ESRP1: variants seen among roughly 807,000 people sequenced by gnomAD.
The protein encoded by ESRP1 is RNA-binding motif protein 35A.
A neutral mutation model predicts 81.7 loss-of-function variants in ESRP1; 33 were observed. The observed-to-expected ratio is 0.40, with a 90% CI of 0.31 to 0.54. The LOEUF is 0.54. Ranked by LOEUF, ESRP1 falls within the 20% of genes least tolerant of loss-of-function variation. ESRP1 has a pLI of 0.41. For missense variants in ESRP1, 672 were observed against 833.1 expected, an observed-to-expected ratio of 0.81 and a Z score of 2.38; for synonymous variants, 320 against 303.3, an observed-to-expected ratio of 1.06 and a Z score of -0.57.
At chr8:94,646,114 G>A in intron 3 of ESRP1, 54 bp from the exon 4 acceptor site, 2 of 997,232 alleles carry the variant, frequency 2.0e-6, no homozygotes, top group South Asian at 1.6e-5. Context: ...AATTGTGAGA[G>A]AAACATTGAA....
At chr8:94,642,969 G>A (rs1817686754) in intron 2 of ESRP1, among the ~76,000 whole-genome samples, 1 of 152,184 alleles carries the variant, frequency 6.6e-6, no homozygotes, top group Non-Finnish European at 1.5e-5. Context: ...CATATAAAAA[G>A]TAACACTAGG....
intron 13 of ESRP1, among the ~76,000 whole-genome samples, chr8:94,678,649 G>A (rs189558417): frequency 1.1e-4 from 16 of 152,304 alleles, no homozygotes; most frequent in Middle Eastern, 3.4e-3. Context: ...GAGTAGTGAT[G>A]TGATCACTGC....
At chr8:94,674,642 C>T (rs1341770148) in intron 12 of ESRP1, 136 bp downstream of exon 12, 2 of 696,940 alleles carry the variant, frequency 2.9e-6, no homozygotes, top group Non-Finnish European at 4.7e-6. Context: ...CATCTGTAAT[C>T]AGTAGTACCT....
intron 4 of ESRP1, among the ~76,000 whole-genome samples, chr8:94,657,631 G>A (rs573131445): frequency 1.3e-4 from 20 of 152,116 alleles, no homozygotes; most frequent in Non-Finnish European, 2.9e-4. Flanking sequence ...ATGTTGGGAC[G>A]TGTTATGTGG....
At chr8:94,647,860 G>T (rs563590401) in intron 4 of ESRP1, among the ~76,000 whole-genome samples, 2 of 152,288 alleles carry the variant, frequency 1.3e-5, no homozygotes, top group East Asian at 3.9e-4. Context: ...GACAACTTCT[G>T]GCTGGACATG....
At chr8:94,641,792 G>A in intron 1 of ESRP1, 164 bp from the exon 2 acceptor site, 2 of 1,058,232 alleles carry the variant, frequency 1.9e-6, no homozygotes, top group South Asian at 1.9e-5. Flanking sequence ...GGGGTGGGGC[G>A]GGGGGCAGGA....
chr8:94,702,019 G>A (rs1586270727), intron 15 of ESRP1, among the ~76,000 whole-genome samples: 1 of 152,132 alleles, frequency 6.6e-6, no homozygotes, highest in African/African-American at 2.4e-5. Context: ...TCGAGGTTGC[G>A]GTGAGCTGTC....
At chr8:94,693,777 C>T (rs573321279) in intron 14 of ESRP1, among the ~76,000 whole-genome samples, 9 of 152,248 alleles carry the variant, frequency 5.9e-5, no homozygotes, top group African/African-American at 2.2e-4. Flanking sequence ...AATGGGTTTA[C>T]GAGCTTGGCA....
At chr8:94,653,775 C>T (rs1818267952) in intron 4 of ESRP1, among the ~76,000 whole-genome samples, 1 of 151,160 alleles carries the variant, frequency 6.6e-6, no homozygotes, top group South Asian at 2.1e-4. Flanking sequence ...ACCGAATCCT[C>T]ATTGGTACTT....
At chr8:94,686,101 G>A (rs1207556858) in intron 13 of ESRP1, among the ~76,000 whole-genome samples, 1 of 152,034 alleles carries the variant, frequency 6.6e-6, no homozygotes, top group African/African-American at 2.4e-5. Context: ...GCTAATTTTT[G>A]TATTTTTAGT....
chr8:94,683,919 C>T (rs1809029214), intron 13 of ESRP1, among the ~76,000 whole-genome samples: 2 of 152,196 alleles, frequency 1.3e-5, no homozygotes. Context: ...GCGATCTCAG[C>T]TCACCACAAC....
At chr8:94,682,028 T>C (rs1808910749) in intron 13 of ESRP1, among the ~76,000 whole-genome samples, 1 of 152,258 alleles carries the variant, frequency 6.6e-6, no homozygotes, top group Non-Finnish European at 1.5e-5. Context: ...TTTCTCTTTT[T>C]GGGCTTTTCA....
chr8:94,668,159 A>C lies in ESRP1; in HGVS notation c.1142A>C (p.Glu381Ala). 6.2e-7 allele frequency: 1 copy of C among 1,613,992 alleles called. No homozygotes were observed. The highest frequency in any genetic ancestry group is 8.5e-7 in the Non-Finnish European group (1 of 1,179,878). Reference protein sequence around the residue: ...GDAFVLFACEEYAQNALRKHK... With the variant: ...GDAFVLFACEAYAQNALRKHK... ...GCTTTTGTCCTCTTTGCCTGTGAGG[A>C]ATATGCACAGAATGCGTTGAGGAAG... The change falls in exon 10 of 16, where the codon GAA (glutamate) becomes GCA (alanine). Residue 381 changes from glutamate to alanine, a missense_variant. Transcript: ENST00000433389.
At chr8:94,705,156 C>CTTTTTTTTTTTTTTTTTTTT (rs57801249) in intron 15 of ESRP1, among the ~76,000 whole-genome samples, 3 of 90,560 alleles carry the variant, frequency 3.3e-5, no homozygotes, top group African/African-American at 1.3e-4. Context: ...TGCCTTATTG[C>CTTTTTTTTTTTTTTTTTTTT]TTTTTTTTTT....
intron 4 of ESRP1, among the ~76,000 whole-genome samples, chr8:94,657,950 AC>A (rs1353035549): frequency 6.6e-6 from 1 of 151,994 alleles, no homozygotes; most frequent in African/African-American, 2.4e-5. Context: ...TTGCTCTGTT[AC>A]CCGGGCTGGA....
intron 13 of ESRP1, among the ~76,000 whole-genome samples, chr8:94,682,904 T>TTATATA (rs1170938965): frequency 0.031 from 939 of 29,826 alleles, 50 homozygotes; most frequent in East Asian, 0.039. Flanking sequence ...ATTCATTATT[T>TTATATA]TATATATATA....
intron 8 of ESRP1, 27 bp from the exon 9 acceptor site, chr8:94,665,127 A>G: frequency 6.2e-7 from 1 of 1,613,830 alleles, no homozygotes; most frequent in Admixed American, 1.7e-5. Flanking sequence ...AAGGCTCAGA[A>G]ACACTAACTT....
chr8:94,667,896 A>G, intron 9 of ESRP1, 53 bp from the exon 10 acceptor site: 1 of 1,452,468 alleles, frequency 6.9e-7, no homozygotes, highest in Non-Finnish European at 9.3e-7. Context: ...AAATCGGTAA[A>G]GTTGATGTCT....
chr8:94,664,158 C>CT (rs1364305116), intron 6 of ESRP1, among the ~76,000 whole-genome samples: 1 of 120,652 alleles, frequency 8.3e-6, no homozygotes, highest in Admixed American at 1.0e-4. Context: ...GAGTCTTGCT[C>CT]TATTGCCCAG....
Sources: gnomAD v4.1 joint callset for allele counts (sites outside exome capture counted in the v4.1 genomes callset) on GRCh38, gnomAD v4.1.1 for gene constraint, MANE v1.5 for transcripts, NCBI Gene and HGNC (gene_info 2026-07-23, HGNC 2026-07-21) for gene names.